SOX5: variants seen among roughly 807,000 people sequenced by gnomAD.
SOX5 encodes the protein transcription factor SOX-5.
Under a neutral mutation model 92.0 loss-of-function variants are expected in SOX5, and 9 were observed. The ratio of observed to expected loss-of-function variants is 0.10; its 90% CI spans 0.06 to 0.17. The LOEUF (loss-of-function observed/expected upper bound fraction) is 0.17, where lower values mean the gene tolerates loss of function less well. Ranked by LOEUF, SOX5 falls within the 10% of genes least tolerant of loss-of-function variation. The pLI, the probability that SOX5 is intolerant of heterozygous loss-of-function variation, is 1.00. For synonymous variants in SOX5, 344 were observed against 336.3 expected (o/e 1.02, Z -0.25); for missense variants, 642 against 944.5 (o/e 0.68, Z 4.20).
intron 3 of SOX5, among the ~76,000 whole-genome samples, chr12:23,811,859 A>G (rs2095880284): frequency 2.6e-5 from 4 of 152,090 alleles, no homozygotes; most frequent in African/African-American, 2.4e-5. Context: ...TTTGTAATAA[A>G]CCAGAAAGTC....
intron 4 of SOX5, among the ~76,000 whole-genome samples, chr12:24,006,717 T>C (rs1212401805): frequency 6.6e-6 from 1 of 152,086 alleles, no homozygotes; most frequent in Non-Finnish European, 1.5e-5. Context: ...AAAGGTAATC[T>C]TTTAGTCCTC....
rs149473586 is a variant in SOX5 at position 24,315,740 on chromosome 12, C to G, written c.-173-38428G>C. On this transcript the variant is annotated intron_variant, in intron 2 of 4. Coordinates refer to the SOX5 transcript ENST00000446891. ...ATTTAGAAATCTTTACTAATTTCCT[C>G]TAGTTTCAAATATAAAGGGAAAGTA... Among the ~76,000 whole-genome samples the G allele has an allele frequency of 1.1e-4, 16 of 152,274 alleles. No individual in the cohort carries two copies. In the East Asian group the frequency reaches 3.1e-3, roughly 29 times the overall value.
At chr12:24,551,376 T>C (rs1426769846) in intron 1 of SOX5, among the ~76,000 whole-genome samples, 1 of 152,182 alleles carries the variant, frequency 6.6e-6, no homozygotes, top group Non-Finnish European at 1.5e-5. Context: ...CACTGAACGT[T>C]AAATAGATTG....
intron 1 of SOX5, among the ~76,000 whole-genome samples, chr12:24,407,745 A>T (rs752395076): frequency 2.0e-5 from 3 of 152,184 alleles, no homozygotes; most frequent in Non-Finnish European, 4.4e-5. Context: ...TTCCAACCAG[A>T]CAGATACGGA....
intron 6 of SOX5, among the ~76,000 whole-genome samples, chr12:23,668,768 C>T (rs556399705): frequency 1.2e-4 from 19 of 152,176 alleles, no homozygotes; most frequent in African/African-American, 4.1e-4. Flanking sequence ...ACATAAGAGG[C>T]TACTTCCTAT....
intron 4 of SOX5, among the ~76,000 whole-genome samples, chr12:24,133,954 A>G (rs1186166649): frequency 1.3e-5 from 2 of 152,190 alleles, no homozygotes; most frequent in African/African-American, 4.8e-5. Context: ...ATTTGACAAA[A>G]TCAGGAAGGG....
chr12:24,118,587 A>C (rs538671359), intron 4 of SOX5, among the ~76,000 whole-genome samples: 1 of 152,152 alleles, frequency 6.6e-6, no homozygotes, highest in Non-Finnish European at 1.5e-5. Context: ...TTAAAAAAAA[A>C]GCCTAGGAAA....
At chr12:23,690,964 G>A (rs755772305) in intron 6 of SOX5, among the ~76,000 whole-genome samples, 1 of 152,142 alleles carries the variant, frequency 6.6e-6, no homozygotes, top group Non-Finnish European at 1.5e-5. Flanking sequence ...TTTCCAGACT[G>A]GGAAGGGAGC....
intron 4 of SOX5, among the ~76,000 whole-genome samples, chr12:24,068,966 C>A: frequency 6.7e-6 from 1 of 150,360 alleles, no homozygotes; most frequent in South Asian, 2.1e-4. Context: ...TAGCATAGCC[C>A]CCAGAAACTT....
intron 1 of SOX5, among the ~76,000 whole-genome samples, chr12:24,496,079 T>C (rs7961520): frequency 0.63 from 96,154 of 152,016 alleles, 31,239 homozygotes; most frequent in East Asian, 0.98. Context: ...ATCTCATAAC[T>C]AAACAGAGTT....
intron 2 of SOX5, among the ~76,000 whole-genome samples, chr12:23,851,781 T>A (rs2096636505): frequency 1.3e-5 from 2 of 151,868 alleles, no homozygotes; most frequent in South Asian, 4.2e-4. Context: ...CCACTGATAA[T>A]ACCTTTGTAA....
At chr12:23,723,273 AC>A (rs1289460513) in intron 6 of SOX5, among the ~76,000 whole-genome samples, 1 of 152,120 alleles carries the variant, frequency 6.6e-6, no homozygotes, top group Non-Finnish European at 1.5e-5. Context: ...TAAAATGAAA[AC>A]AAACTCAATC....
chr12:24,077,780 T>C (rs1392060569), intron 4 of SOX5, among the ~76,000 whole-genome samples: 2 of 125,858 alleles, frequency 1.6e-5, no homozygotes, highest in Non-Finnish European at 3.5e-5. Context: ...TTCATATATA[T>C]ATATATATAT....
At chr12:23,814,329 G>T (rs1217835506) in intron 3 of SOX5, among the ~76,000 whole-genome samples, 2 of 152,108 alleles carry the variant, frequency 1.3e-5, no homozygotes, top group African/African-American at 4.8e-5. Context: ...AACAAACCCT[G>T]AAGCAGTGGC....
chr12:24,427,688 A>G (rs186674351), intron 1 of SOX5, among the ~76,000 whole-genome samples: 82 of 152,322 alleles, frequency 5.4e-4, no homozygotes, highest in Non-Finnish European at 9.6e-4. Flanking sequence ...TTTTTCAACT[A>G]CAGAATCATC....
chr12:23,741,094 T>C (rs2093780039), intron 4 of SOX5, 55 bp from the exon 5 acceptor site: 1 of 1,387,234 alleles, frequency 7.2e-7, no homozygotes, highest in Middle Eastern at 1.9e-4. Context: ...AGTAATTATT[T>C]CAATGAAAAT....
At chr12:24,455,127 C>T (rs1354054535) in intron 1 of SOX5, among the ~76,000 whole-genome samples, 2 of 152,106 alleles carry the variant, frequency 1.3e-5, no homozygotes, top group African/African-American at 2.4e-5. Flanking sequence ...TCCATGTAGC[C>T]CCCTTTGTTA....
In SOX5 at chr12:23,863,181, T is replaced by C. The variant is rs117380960; in HGVS notation, c.271-16988A>G. ...TTTCTTTTTACTTTTTCCATGGCAA[T>C]ATTGTATACTACTTTGACTGTAACA... On this transcript the variant is annotated intron_variant, in intron 2 of 14. Coordinates refer to ENST00000451604, the MANE Select transcript of SOX5 (RefSeq NM_006940.6). Among the ~76,000 whole-genome samples the C allele has an allele frequency of 5.3e-3, 802 of 152,330 alleles. 3 individuals carry two copies. The highest frequency in any genetic ancestry group is 7.9e-3 in the Non-Finnish European group (538 of 68,014).
At chr12:24,164,260 G>A (rs1369094495) in intron 4 of SOX5, among the ~76,000 whole-genome samples, 4 of 152,052 alleles carry the variant, frequency 2.6e-5, no homozygotes, top group African/African-American at 9.6e-5. Context: ...ATGTTTTATT[G>A]TTCAAACATA....
Sources: gnomAD v4.1 joint callset for allele counts (sites outside exome capture counted in the v4.1 genomes callset) on GRCh38, gnomAD v4.1.1 for gene constraint, MANE v1.5 for transcripts, NCBI Gene and HGNC (gene_info 2026-07-23, HGNC 2026-07-21) for gene names.